The following LRRC69 variants were observed in gnomAD, a reference collection of about 807,000 sequenced individuals.
The protein encoded by LRRC69 is leucine rich repeat containing 69, also known as leucine-rich repeat-containing protein 69.
A neutral mutation model predicts 37.8 loss-of-function variants in LRRC69; 42 were observed. The ratio of observed to expected loss-of-function variants is 1.11; its 90% CI spans 0.87 to 1.44. LRRC69 has a LOEUF of 1.44. Ranked by LOEUF, LRRC69 falls within the 40% of genes most tolerant of loss-of-function variation. The pLI is 0.00. For synonymous variants in LRRC69, 141 were observed against 143.1 expected (o/e 0.99, Z 0.11); for missense variants, 357 against 401.9 (o/e 0.89, Z 0.96).
chr8:91,157,620 CTT>C (rs1808860247), intron 5 of LRRC69: 1 of 1,565,008 alleles, frequency 6.4e-7, no homozygotes, highest in Non-Finnish European at 8.8e-7. Flanking sequence ...CAGATGAAGA[CTT>C]TCAGGAATCT....
chr8:91,204,250 A>G (rs186476816), intron 7 of LRRC69, among the ~76,000 whole-genome samples: 19 of 152,358 alleles, frequency 1.2e-4, no homozygotes, highest in African/African-American at 4.3e-4. Context: ...CACCTTACTA[A>G]GCAAGGCCTA....
intron 5 of LRRC69, among the ~76,000 whole-genome samples, chr8:91,141,791 C>T (rs575103453): frequency 6.6e-6 from 1 of 151,950 alleles, no homozygotes; most frequent in Non-Finnish European, 1.5e-5. Flanking sequence ...AACAAAGATG[C>T]AAGTCAGCTA....
intron 7 of LRRC69, among the ~76,000 whole-genome samples, chr8:91,203,430 C>T (rs1008193489): frequency 3.3e-5 from 5 of 151,008 alleles, no homozygotes; most frequent in Non-Finnish European, 7.4e-5. Context: ...CTGGCTCTGT[C>T]ACCCAGCCTA....
chr8:91,166,940 C>T (rs1809040751), intron 5 of LRRC69, among the ~76,000 whole-genome samples: 1 of 151,714 alleles, frequency 6.6e-6, no homozygotes, highest in South Asian at 2.1e-4. Flanking sequence ...TTGTTCTTTT[C>T]CCCACCTACA....
chr8:91,159,900 TCA>T (rs1265250683), intron 5 of LRRC69, among the ~76,000 whole-genome samples: 29 of 151,218 alleles, frequency 1.9e-4, no homozygotes, highest in African/African-American at 7.0e-4. Context: ...AAAATGATTG[TCA>T]TGTCTCCAAC....
chr8:91,197,099 C>T lies in LRRC69; in HGVS notation c.754-3514C>T, dbSNP rs575925018. Among the ~76,000 whole-genome samples, 209 of 151,984 alleles carry T rather than the reference C, an allele frequency of 1.4e-3. 2 individuals are homozygous for T. Among genetic ancestry groups the T allele is most frequent in the African/African-American group, 4.9e-3 (203 of 41,488 alleles). On this transcript the variant is annotated intron_variant, in intron 6 of 7. Transcript: ENST00000448384. ...GCTGCAGGTCTGTTGGAGTACCCTG[C>T]GGTGTGAGGTGTCAGTGTGCCCCTG...
At chr8:91,151,983 G>T (rs185626066) in intron 5 of LRRC69, among the ~76,000 whole-genome samples, 19 of 150,674 alleles carry the variant, frequency 1.3e-4, no homozygotes, top group African/African-American at 4.6e-4. Context: ...CCCACTTTTT[G>T]ATGTTTATTT....
intron 3 of LRRC69, among the ~76,000 whole-genome samples, chr8:91,128,454 T>C (rs140568824): frequency 6.6e-6 from 1 of 152,140 alleles, no homozygotes; most frequent in African/African-American, 2.4e-5. Context: ...TATTCTGTCT[T>C]ATAGTTAACT....
In LRRC69 at chr8:91,106,163, C is replaced by T. The variant is rs570003235; in HGVS notation, c.183+3319C>T. On this transcript the variant is annotated intron_variant, in intron 1 of 7. Coordinates refer to ENST00000448384, the Ensembl canonical transcript of LRRC69. The stretch of plus-strand genomic sequence containing the variant: ...TTCTAACAGTTTTCTCTAAAATTCC[C>T]GTGTACTTTTAAAGTTAATTTGAAC... 6.6e-5 allele frequency among the ~76,000 whole-genome samples: 10 copies of T among 152,034 alleles called. No homozygotes were observed. The East Asian group carries it at 9.6e-4, about 15-fold the overall frequency.
chr8:91,123,568 T>G (rs927050056), intron 1 of LRRC69, among the ~76,000 whole-genome samples: 5 of 151,964 alleles, frequency 3.3e-5, no homozygotes, highest in Non-Finnish European at 5.9e-5. Context: ...TGTGAATGGC[T>G]TCAGTTTTCT....
intron 5 of LRRC69, among the ~76,000 whole-genome samples, chr8:91,148,948 A>G (rs1280551054): frequency 1.3e-5 from 2 of 151,350 alleles, no homozygotes; most frequent in African/African-American, 4.8e-5. Flanking sequence ...TTTTCTTGTA[A>G]ATTTGTTTGA....
intron 5 of LRRC69, among the ~76,000 whole-genome samples, chr8:91,174,938 G>T (rs1373896823): frequency 1.3e-5 from 2 of 152,094 alleles, no homozygotes; most frequent in South Asian, 4.1e-4. Context: ...AGGATTGGGA[G>T]TCTTAGATTG....
chr8:91,111,571 C>T (rs1813410826), intron 1 of LRRC69, among the ~76,000 whole-genome samples: 1 of 151,878 alleles, frequency 6.6e-6, no homozygotes, highest in South Asian at 2.1e-4. Flanking sequence ...GAGATTATGT[C>T]CTTTCCAGGG....
intron 6 of LRRC69, among the ~76,000 whole-genome samples, chr8:91,195,703 C>T (rs1436516217): frequency 6.6e-6 from 1 of 152,192 alleles, no homozygotes; most frequent in Non-Finnish European, 1.5e-5. Flanking sequence ...CTTGGAAGAT[C>T]TTCCTGCATC....
chr8:91,181,047 G>A (rs1257521040), intron 5 of LRRC69, among the ~76,000 whole-genome samples: 1 of 152,104 alleles, frequency 6.6e-6, no homozygotes, highest in East Asian at 1.9e-4. Context: ...GTCCAAAGGG[G>A]CTATTTTCTA....
At chr8:91,137,119 G>C (rs1401191581) in intron 5 of LRRC69, among the ~76,000 whole-genome samples, 1 of 152,002 alleles carries the variant, frequency 6.6e-6, no homozygotes, top group African/African-American at 2.4e-5. Flanking sequence ...ATTTTTTAAG[G>C]AATCACCACA....
In LRRC69 at chr8:91,141,442, T is replaced by G. The variant is rs188817657; in HGVS notation, c.651+5703T>G. The stretch of plus-strand genomic sequence containing the variant: ...GATATGAATCTTGGAGGACACTATT[T>G]AACCCATTATACTTGATAGAACATT... On this transcript the variant is annotated intron_variant, in intron 5 of 7. Coordinates refer to ENST00000448384, the Ensembl canonical transcript of LRRC69. Among the ~76,000 whole-genome samples the G allele has an allele frequency of 1.8e-3, 281 of 152,240 alleles. 2 individuals carry two copies. The highest frequency in any genetic ancestry group is 6.6e-3 in the African/African-American group (273 of 41,578).
intron 6 of LRRC69, among the ~76,000 whole-genome samples, chr8:91,197,039 T>G (rs1400885018): frequency 6.6e-6 from 1 of 151,546 alleles, no homozygotes; most frequent in Non-Finnish European, 1.5e-5. Context: ...GTCCTTTCTG[T>G]TTGTTAGTTT....
intron 1 of LRRC69, among the ~76,000 whole-genome samples, chr8:91,113,768 G>A (rs963772517): frequency 1.3e-5 from 2 of 151,572 alleles, no homozygotes; most frequent in African/African-American, 4.8e-5. Context: ...GAATAAAAAG[G>A]CATTCTACAG....
Sources: gnomAD v4.1 joint callset for allele counts (sites outside exome capture counted in the v4.1 genomes callset) on GRCh38, gnomAD v4.1.1 for gene constraint, MANE v1.5 for transcripts, NCBI Gene and HGNC (gene_info 2026-07-23, HGNC 2026-07-21) for gene names.